The following PHF20 variants were observed in gnomAD, a reference collection of about 807,000 sequenced individuals.
PHF20 encodes glioma-expressed antigen 2.
A neutral mutation model predicts 113.5 loss-of-function variants in PHF20; 23 were observed. The observed-to-expected ratio is 0.20, with a 90% CI of 0.15 to 0.29. PHF20 has a LOEUF of 0.29. PHF20 is among the 10% of genes least tolerant of loss of function. The pLI, the probability that PHF20 is intolerant of heterozygous loss-of-function variation, is 1.00. For missense variants in PHF20, 943 were observed against 1,219.6 expected (o/e 0.77, Z 3.38); for synonymous variants, 434 against 457.3 (o/e 0.95, Z 0.65).
chr20:35,793,995 C>CAAAAAAAAAAAAA lies in PHF20; in HGVS notation c.-32-7486_-32-7474dup, dbSNP rs56189104. On this transcript the variant is annotated intron_variant, in intron 1 of 17. Coordinates refer to ENST00000374012, the MANE Select transcript of PHF20 (RefSeq NM_016436.5). Reference sequence around the variant, plus strand: ...GGGCGACAAGAGCGGGACTCTGTCTCAAAAAAAAAAAAAAAAAAAAAAGGC... The same window carrying CAAAAAAAAAAAAA: ...GGGCGACAAGAGCGGGACTCTGTCTCAAAAAAAAAAAAAAAAAAAAAAAAAAAAAAAAAAAGGC... Among the ~76,000 whole-genome samples, 23 of 33,840 alleles carry CAAAAAAAAAAAAA rather than the reference C, an allele frequency of 6.8e-4. 1 individual carries two copies. The highest frequency in any genetic ancestry group is 1.4e-3 in the African/African-American group (11 of 7,880). The allele number at this position is 33,840 out of a possible 152,430, so 22.2% of individuals were successfully genotyped here. A position where few individuals can be genotyped will look rare whatever the true frequency, so the allele number is the denominator to read the frequency against.
At chr20:35,844,417 G>GTTTT (rs1491291994) in intron 3 of PHF20, among the ~76,000 whole-genome samples, 1 of 127,750 alleles carries the variant, frequency 7.8e-6, no homozygotes, top group Non-Finnish European at 1.6e-5. Flanking sequence ...TTTTTTTTTG[G>GTTTT]TTTTTTTTTT....
At chr20:35,807,350 C>CTTTTTTTTTTTT (rs35614615) in intron 2 of PHF20, among the ~76,000 whole-genome samples, 2 of 122,330 alleles carry the variant, frequency 1.6e-5, no homozygotes, top group Non-Finnish European at 3.5e-5. Context: ...ATGAATGGAT[C>CTTTTTTTTTTTT]TTTTTTTTTT....
intron 1 of PHF20, among the ~76,000 whole-genome samples, chr20:35,775,754 C>CAA (rs11167276): frequency 0.033 from 2,780 of 83,814 alleles, 85 homozygotes; most frequent in African/African-American, 0.052. Flanking sequence ...ACTCTGTCTC[C>CAA]AAAAAAAAAA....
chr20:35,801,073 G>T (rs1024014007), intron 1 of PHF20, among the ~76,000 whole-genome samples: 1 of 152,114 alleles, frequency 6.6e-6, no homozygotes, highest in African/African-American at 2.4e-5. Context: ...CTAAATTTTT[G>T]TGTTTCCCCG....
intron 5 of PHF20, among the ~76,000 whole-genome samples, chr20:35,862,158 A>G (rs2054229054): frequency 6.6e-6 from 1 of 152,220 alleles, no homozygotes; most frequent in African/African-American, 2.4e-5. Flanking sequence ...CAAAAACTCC[A>G]AGTAGCTCAG....
chr20:35,776,944 G>C (rs1239498683), intron 1 of PHF20, among the ~76,000 whole-genome samples: 1 of 152,192 alleles, frequency 6.6e-6, no homozygotes, highest in East Asian at 1.9e-4. Context: ...CAGCAGATCT[G>C]ATTTCTTTCA....
intron 10 of PHF20, among the ~76,000 whole-genome samples, chr20:35,905,982 TC>T (rs1455283308): frequency 2.0e-5 from 3 of 152,234 alleles, no homozygotes; most frequent in African/African-American, 7.2e-5. Flanking sequence ...TAAATTCTCT[TC>T]CAGTAGCCAG....
intron 2 of PHF20, among the ~76,000 whole-genome samples, chr20:35,803,863 G>A (rs187879940): frequency 1.1e-3 from 162 of 150,734 alleles, no homozygotes; most frequent in Middle Eastern, 3.4e-3. Flanking sequence ...CACCCTCCTC[G>A]CCCACCCCTG....
At chr20:35,786,818 T>C (rs899751969) in intron 1 of PHF20, among the ~76,000 whole-genome samples, 2 of 152,128 alleles carry the variant, frequency 1.3e-5, no homozygotes, top group Non-Finnish European at 2.9e-5. Flanking sequence ...GGGATAAAAC[T>C]GTGATCAGTC....
At chr20:35,849,275 ATAAT>A (rs1295093547) in intron 4 of PHF20, 1 of 360,430 alleles carries the variant, frequency 2.8e-6, no homozygotes, top group Non-Finnish European at 5.6e-6. Flanking sequence ...AGAGATGAAG[ATAAT>A]TAATGCCTCT....
intron 12 of PHF20, among the ~76,000 whole-genome samples, chr20:35,914,976 A>C (rs1192159112): frequency 6.7e-6 from 1 of 149,586 alleles, no homozygotes; most frequent in East Asian, 1.9e-4. Flanking sequence ...AAAAAAAAAA[A>C]AAACAGTAAA....
intron 9 of PHF20, among the ~76,000 whole-genome samples, chr20:35,891,598 A>C (rs1416546512): frequency 6.6e-6 from 1 of 152,162 alleles, no homozygotes; most frequent in Non-Finnish European, 1.5e-5. Context: ...CTTGGTTTGC[A>C]TGTGGGAACA....
In PHF20 at chr20:35,871,841, G is replaced by C. The variant is rs2054428395; in HGVS notation, c.1282+12G>C. On this transcript the variant is annotated intron_variant, in intron 9 of 17. Transcript: ENST00000374012. ...TTCGACTGTGGAAGGTTCATATTTA[G>C]AGTTAAATTAATCCTCTTTTTATAT... 3 of 1,566,690 alleles carry C rather than the reference G, an allele frequency of 1.9e-6. No individual in the cohort carries two copies. Among genetic ancestry groups the C allele is most frequent in the Non-Finnish European group, 2.6e-6 (3 of 1,151,680 alleles).
intron 10 of PHF20, among the ~76,000 whole-genome samples, chr20:35,902,625 G>C (rs1196125335): frequency 6.6e-6 from 1 of 152,182 alleles, no homozygotes; most frequent in East Asian, 1.9e-4. Flanking sequence ...TGGGATTCTT[G>C]GTTAACTGTA....
chr20:35,787,736 G>A (rs569001431), intron 1 of PHF20, among the ~76,000 whole-genome samples: 1 of 148,626 alleles, frequency 6.7e-6, no homozygotes, highest in Non-Finnish European at 1.5e-5. Flanking sequence ...CTCTCAAAGT[G>A]CTGGGATTAC....
rs6060701 is a variant in PHF20, at chr20:35,938,074, G to A, written c.2301-623G>A. ...ATTTTAGTAGAGGCGGGGTTTCACC[G>A]TGTTAGCCAGGATGGTCTCGATCTC... On this transcript the variant is annotated intron_variant, in intron 15 of 17. Transcript: ENST00000374012. Among the ~76,000 whole-genome samples, 1,479 of 152,050 alleles carry A rather than the reference G, an allele frequency of 9.7e-3. 17 individuals are homozygous for A. Among genetic ancestry groups the A allele is most frequent in the African/African-American group, 0.033 (1,368 of 41,476 alleles).
chr20:35,934,109 C>T (rs2055818195), intron 15 of PHF20, among the ~76,000 whole-genome samples: 1 of 152,212 alleles, frequency 6.6e-6, no homozygotes, highest in East Asian at 1.9e-4. Context: ...TGATAGGCTG[C>T]TCCTGGATAG....
At chr20:35,865,200 T>A (rs1244437009) in intron 6 of PHF20, among the ~76,000 whole-genome samples, 1 of 151,936 alleles carries the variant, frequency 6.6e-6, no homozygotes, top group Non-Finnish European at 1.5e-5. Flanking sequence ...TGATTCCATG[T>A]TGAAATGTTT....
intron 2 of PHF20, among the ~76,000 whole-genome samples, chr20:35,834,885 A>G (rs1037748807): frequency 2.0e-5 from 3 of 151,952 alleles, no homozygotes; most frequent in African/African-American, 7.3e-5. Flanking sequence ...TGACTCTTGA[A>G]CTCTTTCTTC....
Sources: gnomAD v4.1 joint callset for allele counts (sites outside exome capture counted in the v4.1 genomes callset) on GRCh38, gnomAD v4.1.1 for gene constraint, MANE v1.5 for transcripts, NCBI Gene and HGNC (gene_info 2026-07-23, HGNC 2026-07-21) for gene names.